PCDHGA5: variants seen among roughly 807,000 people sequenced by gnomAD.
The protein encoded by PCDHGA5 is protocadherin gamma-A5.
In PCDHGA5, 36 loss-of-function variants were observed where a neutral mutation model predicts 56.7. The ratio of observed to expected loss-of-function variants is 0.64; its 90% CI spans 0.49 to 0.84. The LOEUF (loss-of-function observed/expected upper bound fraction) is 0.84, where lower values mean the gene tolerates loss of function less well. Ranked by LOEUF, PCDHGA5 falls within the 40% of genes least tolerant of loss-of-function variation. The pLI, the probability that PCDHGA5 is intolerant of heterozygous loss-of-function variation, is 0.00. For synonymous variants in PCDHGA5, 563 were observed against 520.2 expected (o/e 1.08, Z -1.12); for missense variants, 1,305 against 1,201.5 (o/e 1.09, Z -1.27).
chr5:141,502,062 A>G (rs530211521), intron 2 of PCDHGA5, among the ~76,000 whole-genome samples: 2 of 152,146 alleles, frequency 1.3e-5, no homozygotes, highest in South Asian at 4.2e-4. Flanking sequence ...TATTCCCATT[A>G]GCCCCCTTCA....
chr5:141,427,782 T>G, intron 1 of PCDHGA5: 1 of 1,459,986 alleles, frequency 6.8e-7, no homozygotes, highest in Middle Eastern at 1.7e-4. Context: ...GCGGGCACTG[T>G]CGTCCTACGT....
chr5:141,487,475 C>T lies in PCDHGA5; in HGVS notation c.2422-7332C>T, dbSNP rs781308835. On this transcript the variant is annotated intron_variant, in intron 1 of 3. Coordinates refer to ENST00000518069, the MANE Select transcript of PCDHGA5 (RefSeq NM_018918.3). The surrounding 1 kb of genome is among the most constrained non-coding windows in gnomAD (Gnocchi z 5.0). ...TATCAAGTTTGTTGATGTGGGAGGC[C>T]ACTCTCATGGCTGTACACCCTTGGC... 1.2e-6 allele frequency: 2 copies of T among 1,614,156 alleles called. No homozygotes were observed. Among genetic ancestry groups the T allele is most frequent in the South Asian group, 1.1e-5 (1 of 91,080 alleles).
intron 1 of PCDHGA5, chr5:141,418,622 G>A: frequency 2.5e-6 from 4 of 1,614,026 alleles, no homozygotes; most frequent in Non-Finnish European, 3.4e-6. Context: ...TCGGGAAGAC[G>A]TGCCTCCAGG....
intron 1 of PCDHGA5, among the ~76,000 whole-genome samples, chr5:141,437,246 C>A (rs897787623): frequency 6.6e-6 from 1 of 152,144 alleles, no homozygotes; most frequent in Non-Finnish European, 1.5e-5. Context: ...CAAGGACTTT[C>A]CTTGTCTTTT....
At chr5:141,374,285 T>A in intron 1 of PCDHGA5, 1 of 1,613,970 alleles carries the variant, frequency 6.2e-7, no homozygotes. Flanking sequence ...CCGCATCGTC[T>A]CCAGAGGTAG....
intron 1 of PCDHGA5, among the ~76,000 whole-genome samples, chr5:141,434,530 A>G (rs1241680580): frequency 6.6e-6 from 1 of 152,226 alleles, no homozygotes; most frequent in African/African-American, 2.4e-5. Flanking sequence ...CTTAAACCAC[A>G]AACAATAGCA....
chr5:141,395,422 G>T, intron 1 of PCDHGA5: 1 of 728,826 alleles, frequency 1.4e-6, no homozygotes, highest in Non-Finnish European at 2.1e-6. Flanking sequence ...TGTTTCATTT[G>T]CTTTTAAACG....
At chr5:141,377,906 C>G (rs777974750) in intron 1 of PCDHGA5, 1 of 152,162 alleles carries the variant, frequency 6.6e-6, no homozygotes, top group East Asian at 1.9e-4. Context: ...GTTGCCCAGT[C>G]TGGAGTAAAA....
intron 1 of PCDHGA5, chr5:141,478,884 C>T (rs767294994): frequency 9.2e-5 from 110 of 1,194,180 alleles, no homozygotes; most frequent in Non-Finnish European, 1.2e-4. Context: ...AGCTTGGTAT[C>T]ATTTACATTA....
In PCDHGA5 at chr5:141,490,949, A is replaced by G. The variant is rs2074912; in HGVS notation, c.2422-3858A>G. On this transcript the variant is annotated intron_variant, in intron 1 of 3. Coordinates refer to ENST00000518069, the MANE Select transcript of PCDHGA5 (RefSeq NM_018918.3). The surrounding 1 kb of genome is among the most constrained non-coding windows in gnomAD (Gnocchi z 5.4). ...CCAGCTGTGCTGCACCCACGGCCAG[A>G]CTGGGAACACTCAGCCCCCCAGCGT... 0.21 allele frequency: 331,850 copies of G among 1,613,352 alleles called. 36,311 individuals carry two copies. The highest frequency in any genetic ancestry group is 0.37 in the Admixed American group (22,349 of 59,972).
intron 1 of PCDHGA5, chr5:141,415,035 C>T (rs368588973): frequency 8.9e-5 from 143 of 1,613,460 alleles, no homozygotes; most frequent in Non-Finnish European, 1.1e-4. Flanking sequence ...AGCCGGGACT[C>T]TTCGCGGTGG....
intron 1 of PCDHGA5, chr5:141,393,030 C>T (rs1376617687): frequency 1.2e-6 from 2 of 1,613,780 alleles, no homozygotes; most frequent in Admixed American, 3.3e-5. Context: ...AGGTAGGACG[C>T]AGCTCTTTGC....
chr5:141,389,935 C>G (rs1212194328), intron 1 of PCDHGA5: 1 of 1,613,966 alleles, frequency 6.2e-7, no homozygotes, highest in Non-Finnish European at 8.5e-7. Flanking sequence ...GACCTCCAGG[C>G]TGAGCTGCAG....
At chr5:141,451,610 G>T (rs184745360) in intron 1 of PCDHGA5, among the ~76,000 whole-genome samples, 60 of 152,298 alleles carry the variant, frequency 3.9e-4, no homozygotes, top group African/African-American at 1.3e-3. Context: ...GGCTAGGCAT[G>T]GTGGCTCAAA....
rs149920059 is a variant in PCDHGA5 at position 141,409,848 on chromosome 5, G to A, written c.2421+43097G>A. 8,006 of 1,612,024 alleles carry A rather than the reference G, an allele frequency of 5.0e-3. 45 individuals are homozygous for A. The highest frequency in any genetic ancestry group is 9.5e-3 in the Admixed American group (567 of 59,794). On this transcript the variant is annotated intron_variant, in intron 1 of 3. Transcript: ENST00000518069. ...ACGCTCAGCGCCAACGTGAGCCTGC[G>A]CGTGTTGGTGGGAGACCGCAATGAC... is the stretch of plus-strand genomic sequence containing the variant.
Position 141,389,732 on chromosome 5 carries a change from C to T in PCDHGA5, c.2421+22981C>T, listed in dbSNP as rs765577336. 11 of 1,612,674 alleles carry T rather than the reference C, an allele frequency of 6.8e-6. No homozygotes were observed. The South Asian group carries it at 1.2e-4, about 18-fold the overall frequency. ...AGGCTAGCGAGCCCGGGCTCTTCAGCCTGGGGCTGCGCACGGGCGAAGTGC... is the reference window on the plus strand; with the variant it reads ...AGGCTAGCGAGCCCGGGCTCTTCAGTCTGGGGCTGCGCACGGGCGAAGTGC... On this transcript the variant is annotated intron_variant, in intron 1 of 3. Transcript: ENST00000518069.
At chr5:141,506,969 A>G (rs923725359) in intron 3 of PCDHGA5, 7 of 152,208 alleles carry the variant, frequency 4.6e-5, no homozygotes, top group Non-Finnish European at 8.8e-5. Flanking sequence ...ATAGCTCTGC[A>G]AGGCAGGTCT....
chr5:141,428,488 CTGT>C (rs2097142454), intron 1 of PCDHGA5: 1 of 312,362 alleles, frequency 3.2e-6, no homozygotes. Flanking sequence ...TTCCTGCAAT[CTGT>C]ATGTTCCCTC....
chr5:141,413,485 G>C lies in PCDHGA5; in HGVS notation c.2421+46734G>C, dbSNP rs184712199. ...CCGGGAGGAGCTCTGCGCTCAGAGC[G>C]CGCGGTGCGTGGTGAGTTTTAATAT... is the stretch of plus-strand genomic sequence containing the variant. On this transcript the variant is annotated intron_variant, in intron 1 of 3. Coordinates refer to ENST00000518069, the MANE Select transcript of PCDHGA5 (RefSeq NM_018918.3). 439 of 1,614,058 alleles carry C rather than the reference G, an allele frequency of 2.7e-4. 1 individual carries two copies. In the African/African-American group the frequency reaches 4.6e-3, roughly 17 times the overall value.
Sources: allele counts gnomAD v4.1 joint callset (sites outside exome capture counted in the v4.1 genomes callset), GRCh38; gene constraint gnomAD v4.1.1; non-coding constraint Gnocchi (gnomAD v3.1); transcripts MANE v1.5; gene names NCBI Gene and HGNC (gene_info 2026-07-23, HGNC 2026-07-21).